Variants in ZNF385C observed in about 807,000 individuals in gnomAD.
The protein encoded by ZNF385C is zinc finger protein 385C.
In ZNF385C, 28 loss-of-function variants were observed where a neutral mutation model predicts 35.4. The ratio of observed to expected loss-of-function variants is 0.79; its 90% CI spans 0.59 to 1.08. ZNF385C has a LOEUF of 1.08. Among genes scored for constraint, ZNF385C ranks in the 50% least tolerant of loss-of-function variants. ZNF385C has a pLI of 0.00. For synonymous variants in ZNF385C, 248 were observed against 248.2 expected (o/e 1.00, Z 0.01); for missense variants, 605 against 595.6 (o/e 1.02, Z -0.16).
At chr17:42,060,759 CG>C (rs2053448061) in intron 2 of ZNF385C, among the ~76,000 whole-genome samples, 1 of 151,964 alleles carries the variant, frequency 6.6e-6, no homozygotes, top group Non-Finnish European at 1.5e-5. Context: ...TCTGTTGCCC[CG>C]GCTGGAGTGC....
At chr17:42,049,370 C>G (rs189864171) in intron 2 of ZNF385C, among the ~76,000 whole-genome samples, 13 of 152,132 alleles carry the variant, frequency 8.5e-5, no homozygotes, top group Non-Finnish European at 1.6e-4. Flanking sequence ...TCTCCACCCC[C>G]CTTCTCATGC....
chr17:42,042,022 C>T (rs1402350913), intron 2 of ZNF385C, among the ~76,000 whole-genome samples: 5 of 152,120 alleles, frequency 3.3e-5, no homozygotes, highest in Admixed American at 6.6e-5. Flanking sequence ...GAAACACATT[C>T]GAGTTTTTCA....
intron 8 of ZNF385C, among the ~76,000 whole-genome samples, 172 bp downstream of exon 8, chr17:42,027,446 G>A (rs570239865): frequency 2.6e-5 from 4 of 151,624 alleles, no homozygotes; most frequent in East Asian, 3.9e-4. Flanking sequence ...CCACCTCCCC[G>A]GAAATTCCTC....
intron 1 of ZNF385C, among the ~76,000 whole-genome samples, chr17:42,070,353 AAAAAT>A (rs1555658698): frequency 1.3e-5 from 2 of 152,232 alleles, no homozygotes; most frequent in African/African-American, 4.8e-5. Context: ...CAAAAAAGTA[AAAAAT>A]AAAATAAAAT....
At position 42,087,051 on chromosome 17, in the gene ZNF385C, G is replaced by A. The variant is rs139601499; in HGVS notation, c.-3+11359C>T. Among the ~76,000 whole-genome samples, 595 of 152,056 alleles carry A rather than the reference G, an allele frequency of 3.9e-3. 1 individual carries two copies. Among genetic ancestry groups the A allele is most frequent in the Middle Eastern group, 0.017 (5 of 292 alleles). On this transcript the variant is annotated intron_variant, in intron 1 of 8. Transcript: ENST00000692273. The stretch of plus-strand genomic sequence containing the variant: ...TTGGTCAGGCTGGTCTTGAACTCCC[G>A]ACCTCAGGTGATCCGCCCACCTCAG...
Position 42,062,963 on chromosome 17 carries a change from T to C in ZNF385C, c.94A>G (p.Lys32Glu). ...GGCCGCTTTCTTTCTCGCTTGGGCTTAGGTGGTTCTGGGGGCCGAGGGAGG... is the reference window on the plus strand; with the variant it reads ...GGCCGCTTTCTTTCTCGCTTGGGCTCAGGTGGTTCTGGGGGCCGAGGGAGG... ...ECLPRPPEPP[K>E]PKRERKRPSY... The change falls in exon 2 of 9, where the codon AAG becomes GAG. Residue 32 changes from lysine (K) to glutamate (E), a missense_variant. Lys to Glu is a moderately conservative substitution (Grantham distance 56). Transcript: ENST00000692273. The C allele has an allele frequency of 1.4e-6, 1 of 694,060 alleles. No individual in the cohort carries two copies. Among genetic ancestry groups the C allele is most frequent in the Non-Finnish European group, 2.6e-6 (1 of 380,844 alleles). The allele number at this position is 694,060 out of a possible 1,614,324, so 43.0% of individuals were successfully genotyped here. A position where few individuals can be genotyped will look rare whatever the true frequency, so the allele number is the denominator to read the frequency against.
At chr17:42,054,514 C>T (rs1289935016) in intron 2 of ZNF385C, among the ~76,000 whole-genome samples, 1 of 151,950 alleles carries the variant, frequency 6.6e-6, no homozygotes, top group African/African-American at 2.4e-5. Context: ...AGTACCTGGA[C>T]CCTTGGATCT....
At chr17:42,041,984 A>G (rs1374120457) in intron 2 of ZNF385C, among the ~76,000 whole-genome samples, 1 of 152,222 alleles carries the variant, frequency 6.6e-6, no homozygotes, top group Non-Finnish European at 1.5e-5. Context: ...AGATTTTTAT[A>G]TGTAATCTCC....
At chr17:42,077,346 A>G (rs1362623340) in intron 1 of ZNF385C, among the ~76,000 whole-genome samples, 2 of 152,122 alleles carry the variant, frequency 1.3e-5, no homozygotes, top group Admixed American at 6.6e-5. Flanking sequence ...TGCCCAACTA[A>G]TAGTAGGGGC....
intron 2 of ZNF385C, 109 bp downstream of exon 2, chr17:42,062,698 G>T (rs188957771): frequency 1.6e-5 from 7 of 427,458 alleles, no homozygotes; most frequent in Non-Finnish European, 2.9e-5. Flanking sequence ...CACCCCAGAC[G>T]CAAAGACCCC....
Position 42,075,687 on chromosome 17 carries a change from G to C in ZNF385C, c.-2-12629C>G, listed in dbSNP as rs566121920. Among the ~76,000 whole-genome samples, 147 of 152,040 alleles carry C rather than the reference G, an allele frequency of 9.7e-4. 1 individual carries two copies. The highest frequency in any genetic ancestry group is 3.3e-3 in the African/African-American group (138 of 41,480). On this transcript the variant is annotated intron_variant, in intron 1 of 8. Transcript: ENST00000692273. ...TTTTTTGTATTTTTAGTAGAGACAG[G>C]GTTTCACCGTGTTAGCCAGGATGGT...
At chr17:42,029,644 G>T (rs1364261726) in intron 5 of ZNF385C, among the ~76,000 whole-genome samples, 4 of 151,472 alleles carry the variant, frequency 2.6e-5, no homozygotes, top group Non-Finnish European at 5.9e-5. Flanking sequence ...AACCTGCAAG[G>T]TGGAGGTTAC....
chr17:42,063,399 A>G (rs1555658188), intron 1 of ZNF385C, among the ~76,000 whole-genome samples: 1 of 152,144 alleles, frequency 6.6e-6, no homozygotes, highest in Non-Finnish European at 1.5e-5. Context: ...ATGGTGGCGC[A>G]TGCCTGTAAT....
At chr17:42,063,838 A>G (rs1369582269) in intron 1 of ZNF385C, among the ~76,000 whole-genome samples, 6 of 152,210 alleles carry the variant, frequency 3.9e-5, no homozygotes, top group African/African-American at 7.2e-5. Flanking sequence ...GCCGCCAGCC[A>G]AAAACACAAC....
At chr17:42,081,616 C>T (rs1380718994) in intron 1 of ZNF385C, among the ~76,000 whole-genome samples, 1 of 151,992 alleles carries the variant, frequency 6.6e-6, no homozygotes, top group East Asian at 1.9e-4. Flanking sequence ...ACCTCAGTGA[C>T]CTGCTCGCCT....
intron 2 of ZNF385C, 182 bp from the exon 3 acceptor site, chr17:42,038,067 GC>G: frequency 6.5e-7 from 1 of 1,535,284 alleles, no homozygotes; most frequent in Non-Finnish European, 8.7e-7. Flanking sequence ...CCTCCCCACA[GC>G]TGGGGAAGCA....
intron 1 of ZNF385C, among the ~76,000 whole-genome samples, chr17:42,084,271 A>G (rs118039108): frequency 0.11 from 16,834 of 151,276 alleles, 1,277 homozygotes; most frequent in Middle Eastern, 0.29. Flanking sequence ...TCCAGGCTGC[A>G]GTGAGCTATT....
At chr17:42,040,301 C>G in intron 2 of ZNF385C, 5 of 1,231,706 alleles carry the variant, frequency 4.1e-6, no homozygotes, top group Non-Finnish European at 5.1e-6. Context: ...TCGGAGTAAC[C>G]GAGCAGCTCC....
At chr17:42,079,201 AAAATATATATATATATAC>A (rs1231639417) in intron 1 of ZNF385C, among the ~76,000 whole-genome samples, 18 of 128,534 alleles carry the variant, frequency 1.4e-4, no homozygotes, top group Non-Finnish European at 2.1e-4. Flanking sequence ...AAAAAAAAAA[AAAATATATATATATATAC>A]ATATATATAT....
Sources: gnomAD v4.1 joint callset for allele counts (sites outside exome capture counted in the v4.1 genomes callset) on GRCh38, gnomAD v4.1.1 for gene constraint, MANE v1.5 for transcripts, NCBI Gene and HGNC (gene_info 2026-07-23, HGNC 2026-07-21) for gene names.